The following MXI1 variants were observed in gnomAD, a reference collection of about 807,000 sequenced individuals.
MXI1 encodes MAX interactor 1, dimerization protein.
Under a neutral mutation model 36.9 loss-of-function variants are expected in MXI1, and 18 were observed. The ratio of observed to expected loss-of-function variants is 0.49; its 90% confidence interval spans 0.34 to 0.72. The LOEUF (loss-of-function observed/expected upper bound fraction) is 0.72, where lower values mean the gene tolerates loss of function less well. MXI1 is among the 30% of genes least tolerant of loss of function. The pLI is 0.01. For synonymous variants in MXI1, 160 were observed against 146.7 expected, an observed-to-expected ratio of 1.09 and a Z score of -0.65; for missense variants, 304 against 379.1, an observed-to-expected ratio of 0.80 and a Z score of 1.64.
chr10:110,247,709 G>A (rs905202705), intron 3 of MXI1, among the ~76,000 whole-genome samples: 2 of 152,172 alleles, frequency 1.3e-5, no homozygotes, highest in Non-Finnish European at 2.9e-5. Context: ...ATGCTGGAGA[G>A]GATGTGGAGA....
chr10:110,256,259 A>G (rs1292054648), intron 3 of MXI1, among the ~76,000 whole-genome samples: 1 of 152,158 alleles, frequency 6.6e-6, no homozygotes, highest in Admixed American at 6.5e-5. Context: ...GGTTTTTTAC[A>G]TATGACACCA....
Position 110,269,390 on chromosome 10 carries a change from T to G in MXI1, c.438-9790T>G, listed in dbSNP as rs192563155. Among the ~76,000 whole-genome samples the G allele has an allele frequency of 2.9e-3, 442 of 152,368 alleles. 2 individuals carry two copies. Among genetic ancestry groups the G allele is most frequent in the African/African-American group, 0.01 (416 of 41,590 alleles). On this transcript the variant is annotated intron_variant, in intron 3 of 5. Coordinates refer to ENST00000332674, the MANE Select transcript of MXI1 (RefSeq NM_130439.3). ...TTTTAAAGGTGCTTTGCTATTTTCA[T>G]TTTCTGCTTCTAGATGAACAGCTAT...
In MXI1 at chr10:110,251,607, T is replaced by C. The variant is rs143951213; in HGVS notation, c.437+6750T>C. On this transcript the variant is annotated intron_variant, in intron 3 of 5. Coordinates refer to ENST00000332674, the MANE Select transcript of MXI1 (RefSeq NM_130439.3). ...GAAGAAAATACCAAAGTACACTGCA[T>C]GAAGTAAAGTGAAATATGGAATTGT... Among the ~76,000 whole-genome samples the C allele has an allele frequency of 8.1e-3, 1,239 of 152,188 alleles. 25 individuals carry two copies. The highest frequency in any genetic ancestry group is 8.9e-3 in the Non-Finnish European group (606 of 67,990).
At chr10:110,247,169 C>G (rs1471345744) in intron 3 of MXI1, among the ~76,000 whole-genome samples, 1 of 152,152 alleles carries the variant, frequency 6.6e-6, no homozygotes, top group African/African-American at 2.4e-5. Flanking sequence ...TGTCTTTTGG[C>G]TGCATAAACG....
At chr10:110,242,439 T>G (rs1006218096) in intron 2 of MXI1, among the ~76,000 whole-genome samples, 1 of 152,034 alleles carries the variant, frequency 6.6e-6, no homozygotes, top group Non-Finnish European at 1.5e-5. Context: ...ACACTATTGA[T>G]GCTTTTGTAA....
chr10:110,213,788 C>G (rs1854564253), intron 1 of MXI1, among the ~76,000 whole-genome samples: 1 of 152,234 alleles, frequency 6.6e-6, no homozygotes, highest in African/African-American at 2.4e-5. Flanking sequence ...ACTGACACAT[C>G]CAGAAATGGG....
chr10:110,262,066 T>TAAA (rs1448763800), intron 3 of MXI1, among the ~76,000 whole-genome samples: 1 of 152,134 alleles, frequency 6.6e-6, no homozygotes, highest in Non-Finnish European at 1.5e-5. Context: ...TGATCTCATT[T>TAAA]ATGTTAAAAA....
At chr10:110,235,687 C>CAAAA (rs112009086) in intron 2 of MXI1, among the ~76,000 whole-genome samples, 4,192 of 133,580 alleles carry the variant, frequency 0.031, 307 homozygotes, top group East Asian at 0.25. Flanking sequence ...GACTCTGTCT[C>CAAAA]AAAAAATAAA....
intron 3 of MXI1, among the ~76,000 whole-genome samples, chr10:110,260,419 GTGTGTGTGTGTGT>G (rs1564720405): frequency 1.2e-4 from 1 of 8,120 alleles, no homozygotes. Context: ...TGATACAGGT[GTGTGTGTGTGTGT>G]GTGTGTGTGT....
At chr10:110,239,080 C>T (rs1590357536) in intron 2 of MXI1, among the ~76,000 whole-genome samples, 2 of 152,034 alleles carry the variant, frequency 1.3e-5, no homozygotes, top group African/African-American at 4.8e-5. Flanking sequence ...CATTCCTGTC[C>T]TTGGTTTTTA....
intron 1 of MXI1, chr10:110,226,415 G>C (rs1043569750): frequency 8.7e-7 from 1 of 1,146,698 alleles, no homozygotes; most frequent in African/African-American, 2.0e-5. Flanking sequence ...TGAGGGGAGG[G>C]GTGTGCGCGC....
chr10:110,248,146 G>A (rs901354975), intron 3 of MXI1, among the ~76,000 whole-genome samples: 2 of 152,148 alleles, frequency 1.3e-5, no homozygotes, highest in African/African-American at 4.8e-5. Flanking sequence ...ATTGAACAAT[G>A]ACAACACATG....
intron 1 of MXI1, among the ~76,000 whole-genome samples, chr10:110,215,971 G>A (rs945853371): frequency 2.6e-5 from 4 of 152,216 alleles, no homozygotes; most frequent in African/African-American, 4.8e-5. Flanking sequence ...CTAACTTAAA[G>A]GAAGCAATTG....
chr10:110,275,077 G>A (rs202166793), intron 3 of MXI1, among the ~76,000 whole-genome samples: 1 of 149,800 alleles, frequency 6.7e-6, no homozygotes, highest in East Asian at 1.9e-4. Flanking sequence ...GTTTCACCAT[G>A]TTGGCCAGAC....
intron 5 of MXI1, among the ~76,000 whole-genome samples, chr10:110,283,278 T>G (rs1376928864): frequency 8.6e-5 from 13 of 151,938 alleles, no homozygotes; most frequent in Admixed American, 7.2e-4. Flanking sequence ...TTTTTTTTTT[T>G]TGAGAGAGAG....
At chr10:110,226,166 C>A (rs773585068) in intron 1 of MXI1, 3 of 1,419,186 alleles carry the variant, frequency 2.1e-6, no homozygotes, top group Non-Finnish European at 2.8e-6. Context: ...CCTGTCGGCC[C>A]GAGAAGGGAG....
At chr10:110,264,514 C>T (rs1445135653) in intron 3 of MXI1, among the ~76,000 whole-genome samples, 2 of 151,574 alleles carry the variant, frequency 1.3e-5, no homozygotes, top group African/African-American at 2.4e-5. Context: ...TACAGGCACC[C>T]GCCACCACAC....
intron 3 of MXI1, chr10:110,257,579 G>C (rs1856356262): frequency 6.5e-6 from 1 of 154,248 alleles, no homozygotes; most frequent in South Asian, 2.0e-4. Flanking sequence ...CCAGAGTGCT[G>C]GGATTACAGG....
chr10:110,244,804 C>CTTT (rs199913141), intron 2 of MXI1, 24 bp from the exon 3 acceptor site: 49 of 1,366,458 alleles, frequency 3.6e-5, no homozygotes, highest in South Asian at 1.2e-4. Context: ...ATGGCTAATG[C>CTTT]TTTTTTTTTT....
Sources: gnomAD v4.1 joint callset for allele counts (sites outside exome capture counted in the v4.1 genomes callset) on GRCh38, gnomAD v4.1.1 for gene constraint, MANE v1.5 for transcripts, NCBI Gene and HGNC (gene_info 2026-07-23, HGNC 2026-07-21) for gene names.